GPAM: variants seen among roughly 807,000 people sequenced by gnomAD.
GPAM encodes the protein glycerol-3-phosphate acyltransferase, mitochondrial, also known as glycerol-3-phosphate acyltransferase 1, mitochondrial.
A neutral mutation model predicts 105.0 loss-of-function variants in GPAM; 56 were observed. That is an observed-to-expected ratio of 0.53 (90% CI 0.43 to 0.67). The LOEUF (loss-of-function observed/expected upper bound fraction) is 0.67. GPAM is among the 30% of genes least tolerant of loss of function. The pLI, the probability that GPAM is intolerant of heterozygous loss-of-function variation, is 0.00. For synonymous variants in GPAM, 368 were observed against 354.4 expected, an observed-to-expected ratio of 1.04 and a Z score of -0.43; for missense variants, 855 against 989.8, an observed-to-expected ratio of 0.86 and a Z score of 1.83.
At chr10:112,198,054 A>C (rs1847747026) in intron 1 of GPAM, among the ~76,000 whole-genome samples, 1 of 152,212 alleles carries the variant, frequency 6.6e-6, no homozygotes, top group African/African-American at 2.4e-5. Flanking sequence ...TATGGTTTTT[A>C]TCTCTCTGTG....
At chr10:112,172,083 T>A (rs1847322120) in intron 9 of GPAM, 99 bp downstream of exon 9, 9 of 921,250 alleles carry the variant, frequency 9.8e-6, no homozygotes, top group Admixed American at 2.0e-5. Flanking sequence ...AAGGCTAATG[T>A]CATCTTTACA....
intron 20 of GPAM, chr10:112,155,428 A>C (rs575201952): frequency 1.3e-3 from 239 of 189,136 alleles, no homozygotes; most frequent in Non-Finnish European, 2.1e-3. Context: ...AGAGCCTACA[A>C]CCAGGCAATT....
At chr10:112,175,748 T>A in intron 5 of GPAM, 35 bp from the exon 6 acceptor site, 1 of 1,282,804 alleles carries the variant, frequency 7.8e-7, no homozygotes, top group Non-Finnish European at 1.1e-6. Flanking sequence ...GTATTAGAGG[T>A]ACCCCTAAAA....
At position 112,150,481 on chromosome 10, in the gene GPAM, C is replaced by T. The variant is rs528341978; in HGVS notation, c.*3069G>A. Reference sequence around the variant, plus strand: ...GGGGAGGAAATACACATCTATTCAACGCCACACTGGACGTTACAAAATGCA... The same window carrying T: ...GGGGAGGAAATACACATCTATTCAATGCCACACTGGACGTTACAAAATGCA... On this transcript the variant is annotated 3_prime_UTR_variant, in exon 22 of 22. Transcript: ENST00000348367. The T allele has an allele frequency of 8.8e-5, 87 of 985,320 alleles. No individual in the cohort carries two copies. The highest frequency in any genetic ancestry group is 2.3e-4 in the East Asian group (2 of 8,822). 61.0% of individuals were successfully genotyped at this position (985,320 alleles called of 1,614,324 possible).
At chr10:112,185,519 G>A (rs1847582495), upstream of GPAM, among the ~76,000 whole-genome samples, 1 of 144,924 alleles carries the variant, frequency 6.9e-6, no homozygotes, top group Non-Finnish European at 1.5e-5. Context: ...CAAACATCTA[G>A]GAGATAATAA....
intron 11 of GPAM, among the ~76,000 whole-genome samples, chr10:112,167,417 C>A (rs1264322938): frequency 1.3e-5 from 2 of 152,044 alleles, no homozygotes; most frequent in East Asian, 1.9e-4. Context: ...GGCACATACC[C>A]AACAAAATGA....
chr10:112,210,062 A>G (rs548398348), intron 1 of GPAM, among the ~76,000 whole-genome samples: 1 of 152,302 alleles, frequency 6.6e-6, no homozygotes, highest in African/African-American at 2.4e-5. Context: ...ACTCAGCCTG[A>G]CACGCAGGGT....
In GPAM at chr10:112,152,516, C is replaced by T. The variant is rs890644670; in HGVS notation, c.*1034G>A. On this transcript the variant is annotated 3_prime_UTR_variant, in exon 22 of 22. Coordinates refer to ENST00000348367, the MANE Select transcript of GPAM (RefSeq NM_001244949.2). ...TGGACAGGTTGTGCACGGCACAACTCGAGTGGGTACCAGTCACCTGGACTG... is the reference window on the plus strand; with the variant it reads ...TGGACAGGTTGTGCACGGCACAACTTGAGTGGGTACCAGTCACCTGGACTG... 29 of 984,880 alleles carry T rather than the reference C, an allele frequency of 2.9e-5. No homozygotes were observed. The highest frequency in any genetic ancestry group is 5.2e-4 in the Middle Eastern group (1 of 1,934). The allele number at this position is 984,880 out of a possible 1,614,324, so 61.0% of individuals were successfully genotyped here.
At chr10:112,174,983 C>T (rs143563161) in intron 6 of GPAM, among the ~76,000 whole-genome samples, 7 of 152,240 alleles carry the variant, frequency 4.6e-5, no homozygotes, top group Non-Finnish European at 7.4e-5. Flanking sequence ...ATCTCTGAAA[C>T]TGGCCACACC....
At chr10:112,197,978 A>G (rs1847745676) in intron 1 of GPAM, among the ~76,000 whole-genome samples, 1 of 152,250 alleles carries the variant, frequency 6.6e-6, no homozygotes, top group Non-Finnish European at 1.5e-5. Flanking sequence ...ACCATTAATT[A>G]CAAATCACAA....
At chr10:112,202,641 T>C (rs377560187) in intron 1 of GPAM, among the ~76,000 whole-genome samples, 3 of 152,328 alleles carry the variant, frequency 2.0e-5, no homozygotes, top group African/African-American at 7.2e-5. Flanking sequence ...TAATTTTACA[T>C]GCTGACACCA....
chr10:112,165,378 A>G (rs749858751), intron 12 of GPAM, among the ~76,000 whole-genome samples: 1 of 152,172 alleles, frequency 6.6e-6, no homozygotes, highest in Non-Finnish European at 1.5e-5. Context: ...AGAGAGCATT[A>G]TCCTGTCAAA....
intron 12 of GPAM, among the ~76,000 whole-genome samples, chr10:112,165,546 C>T (rs1847199351): frequency 6.6e-6 from 1 of 152,028 alleles, no homozygotes; most frequent in Non-Finnish European, 1.5e-5. Flanking sequence ...AAAAATTAGC[C>T]AGGTGTGGTA....
Position 112,173,752 on chromosome 10 carries a change from T to A in GPAM, c.507A>T (p.Lys169Asn), listed in dbSNP as rs1342152242. ...CCATTTCTTGAAGAATCCTTTTAGC[T>A]TTCTTTTTCACTTTGTTAACGGCTT... Reference protein sequence around the residue: ...QSKAVNKVKKKAKRILQEMVA... With the variant: ...QSKAVNKVKKNAKRILQEMVA... The change falls in exon 7 of 22, where the codon AAA becomes AAT. Residue 169 changes from lysine to asparagine, a missense_variant. Transcript: ENST00000348367. 6.2e-7 allele frequency: 1 copy of A among 1,613,830 alleles called. No homozygotes were observed. Among genetic ancestry groups the A allele is most frequent in the East Asian group, 2.2e-5 (1 of 44,878 alleles).
chr10:112,182,345 CT>C (rs1243790326), intron 2 of GPAM, among the ~76,000 whole-genome samples: 3 of 152,142 alleles, frequency 2.0e-5, no homozygotes, highest in Admixed American at 2.0e-4. Context: ...TTGTGATGTC[CT>C]AAAAGAACAT....
intron 10 of GPAM, 38 bp from the exon 11 acceptor site, chr10:112,168,562 C>T: frequency 2.3e-6 from 3 of 1,322,436 alleles, no homozygotes; most frequent in Non-Finnish European, 3.3e-6. Flanking sequence ...ACATTCAAGA[C>T]CACTCAACTT....
intron 2 of GPAM, 55 bp from the exon 3 acceptor site, chr10:112,181,868 G>GA (rs981958468): frequency 1.4e-5 from 11 of 800,582 alleles, no homozygotes; most frequent in Non-Finnish European, 2.2e-5. Context: ...GTAAATACTA[G>GA]AACTCAAAAT....
At chr10:112,198,066 C>T (rs528408146) in intron 1 of GPAM, among the ~76,000 whole-genome samples, 3 of 152,262 alleles carry the variant, frequency 2.0e-5, no homozygotes, top group South Asian at 4.1e-4. Context: ...CTCTCTGTGC[C>T]TCATTTTCCT....
At chr10:112,154,194 T>C in intron 21 of GPAM, 1 of 201,264 alleles carries the variant, frequency 5.0e-6, no homozygotes, top group Non-Finnish European at 1.0e-5. Context: ...ATCAATATGA[T>C]GCTCAAAAGA....
Sources: allele counts gnomAD v4.1 joint callset (sites outside exome capture counted in the v4.1 genomes callset), GRCh38; gene constraint gnomAD v4.1.1; transcripts MANE v1.5; gene names NCBI Gene and HGNC (gene_info 2026-07-23, HGNC 2026-07-21).